The following MSH4 variants were observed in gnomAD, a reference collection of about 807,000 sequenced individuals.
MSH4 encodes the protein mutS homolog 4.
Under a neutral mutation model 113.7 loss-of-function variants are expected in MSH4, and 106 were observed. The ratio of observed to expected loss-of-function variants is 0.93; its 90% CI spans 0.80 to 1.10. The LOEUF is 1.10. Among genes scored for constraint, MSH4 ranks in the 50% least tolerant of loss-of-function variants. The pLI is 0.00. For synonymous variants in MSH4, 368 were observed against 380.2 expected (o/e 0.97, Z 0.37); for missense variants, 1,061 against 1,093.7 (o/e 0.97, Z 0.42).
chr1:75,847,264 G>A (rs549748192), intron 7 of MSH4, among the ~76,000 whole-genome samples: 8 of 152,264 alleles, frequency 5.3e-5, no homozygotes, highest in South Asian at 2.1e-4. Context: ...TATTCAAACC[G>A]TAGCACAAGT....
chr1:75,834,241 C>T (rs1650776692), intron 7 of MSH4, among the ~76,000 whole-genome samples: 5 of 152,166 alleles, frequency 3.3e-5, no homozygotes, highest in Admixed American at 3.3e-4. Context: ...TACCATCTCA[C>T]ATCAGTTAGA....
chr1:75,869,904 A>G (rs1487173726), intron 9 of MSH4, among the ~76,000 whole-genome samples: 1 of 152,206 alleles, frequency 6.6e-6, no homozygotes, highest in African/African-American at 2.4e-5. Flanking sequence ...GAAGAGGGCC[A>G]CTGTCCTCCA....
chr1:75,912,070 A>C (rs142986534), intron 19 of MSH4, among the ~76,000 whole-genome samples: 136 of 152,242 alleles, frequency 8.9e-4, no homozygotes, highest in African/African-American at 3.2e-3. Context: ...AGTTTATTAA[A>C]AATTAAGGCA....
Position 75,912,864 on chromosome 1 carries a change from G to T in MSH4, c.2788G>T (p.Val930Phe). Residue 930 changes from valine to phenylalanine, a missense_variant, in exon 20 of 20, where the codon GTT (valine) becomes TTT (phenylalanine). Physicochemically the swap from Val to Phe is conservative, Grantham distance 50. Transcript: ENST00000263187. ...YKEDFPRTEQ[V>F]PEKTEE The stretch of plus-strand genomic sequence containing the variant: ...AGAAGATTTTCCCAGGACTGAACAA[G>T]TTCCAGAAAAGACTGAAGAATAATC... 1 of 1,535,392 alleles carries T rather than the reference G, an allele frequency of 6.5e-7. No homozygotes were observed.
intron 8 of MSH4, among the ~76,000 whole-genome samples, chr1:75,861,136 A>G (rs887153675): frequency 1.3e-5 from 2 of 149,696 alleles, no homozygotes; most frequent in South Asian, 4.3e-4. Flanking sequence ...TCTTCTCTAC[A>G]TGGTTATTCT....
At chr1:75,816,234 A>C in intron 5 of MSH4, 139 bp from the exon 6 acceptor site, 1 of 465,168 alleles carries the variant, frequency 2.1e-6, no homozygotes, top group Non-Finnish European at 3.6e-6. Flanking sequence ...CCTAGTTTTC[A>C]AAAATATGAA....
chr1:75,898,064 C>T lies in MSH4; in HGVS notation c.2513C>T (p.Thr838Ile). ...LYTYKLSKGL[T>I]EEKNYGLKAA... ...ACCTACAAACTTTCTAAGGGACTCA[C>T]AGAAGAGAAAAATTATGGTACTGCA... The change falls in exon 18 of 20, where the codon ACA (threonine) becomes ATA (isoleucine). Residue 838 changes from threonine to isoleucine, a missense_variant. Transcript: ENST00000263187. The T allele has an allele frequency of 6.3e-7, 1 of 1,581,736 alleles. No individual in the cohort carries two copies.
intron 19 of MSH4, among the ~76,000 whole-genome samples, chr1:75,912,341 A>G (rs1319438052): frequency 6.6e-6 from 1 of 152,018 alleles, no homozygotes; most frequent in Non-Finnish European, 1.5e-5. Context: ...TTTTAATGGG[A>G]AAGTGTTTGT....
At chr1:75,811,992 TC>T (rs1450452590) in intron 4 of MSH4, among the ~76,000 whole-genome samples, 4 of 152,218 alleles carry the variant, frequency 2.6e-5, no homozygotes, top group Admixed American at 2.6e-4. Context: ...CTTTATCTGT[TC>T]TTTTTCATTT....
intron 7 of MSH4, among the ~76,000 whole-genome samples, chr1:75,826,049 C>T (rs182418175): frequency 1.9e-3 from 291 of 152,268 alleles, no homozygotes; most frequent in African/African-American, 6.7e-3. Context: ...GTACCAGCTC[C>T]TCCTTGTACC....
chr1:75,854,951 G>C (rs187582827), intron 8 of MSH4, among the ~76,000 whole-genome samples: 188 of 152,034 alleles, frequency 1.2e-3, no homozygotes, highest in African/African-American at 4.3e-3. Context: ...CTTATGAATA[G>C]CATATTTTAC....
At chr1:75,891,478 G>A (rs1361005375) in intron 17 of MSH4, among the ~76,000 whole-genome samples, 8 of 151,974 alleles carry the variant, frequency 5.3e-5, no homozygotes, top group Admixed American at 5.2e-4. Flanking sequence ...TTTTGAGACA[G>A]GGTCTCACTC....
chr1:75,823,659 A>G (rs1650480263), intron 7 of MSH4, among the ~76,000 whole-genome samples: 1 of 151,946 alleles, frequency 6.6e-6, no homozygotes, highest in Admixed American at 6.6e-5. Context: ...CCAGTGTGTG[A>G]TGTTCCCCTC....
chr1:75,874,464 A>C (rs572500142), intron 9 of MSH4, among the ~76,000 whole-genome samples: 1 of 152,160 alleles, frequency 6.6e-6, no homozygotes, highest in East Asian at 1.9e-4. Context: ...CTGGGAGTAC[A>C]GGCATATGTC....
chr1:75,888,956 G>C (rs572070944), intron 15 of MSH4, among the ~76,000 whole-genome samples: 1 of 149,248 alleles, frequency 6.7e-6, no homozygotes, highest in East Asian at 2.0e-4. Context: ...ATGCAGTGGC[G>C]CGATCTCGGC....
In MSH4 at chr1:75,867,600, G is replaced by T; in HGVS notation, c.1305+12G>T. The stretch of plus-strand genomic sequence containing the variant: ...TGGATCCTTTAAAGGTAATTTATGT[G>T]TGTGTATCGTACAAAACATGTCCAG... On this transcript the variant is annotated intron_variant, in intron 9 of 19. Transcript: ENST00000263187. The T allele has an allele frequency of 1.3e-6, 2 of 1,495,882 alleles. No homozygotes were observed. Among genetic ancestry groups the T allele is most frequent in the Non-Finnish European group, 9.2e-7 (1 of 1,092,842 alleles). 92.7% of individuals were successfully genotyped at this position (1,495,882 alleles called of 1,614,324 possible). A position where few individuals can be genotyped will look rare whatever the true frequency, so the allele number is the denominator to read the frequency against.
chr1:75,810,955 T>C, intron 4 of MSH4, 148 bp downstream of exon 4: 1 of 388,930 alleles, frequency 2.6e-6, no homozygotes, highest in Admixed American at 4.7e-5. Context: ...TACTGCAACC[T>C]CCAGCTCCCG....
intron 15 of MSH4, among the ~76,000 whole-genome samples, chr1:75,887,625 A>G (rs1372440857): frequency 6.6e-6 from 1 of 152,158 alleles, no homozygotes; most frequent in Non-Finnish European, 1.5e-5. Context: ...AGTAAGTCAA[A>G]GTATTGAGAA....
intron 7 of MSH4, among the ~76,000 whole-genome samples, chr1:75,847,234 C>T (rs886654123): frequency 6.6e-5 from 10 of 152,168 alleles, no homozygotes; most frequent in African/African-American, 2.4e-4. Flanking sequence ...AAGTTTCCAA[C>T]ACATGAACGT....
Sources: allele counts gnomAD v4.1 joint callset (sites outside exome capture counted in the v4.1 genomes callset), GRCh38; gene constraint gnomAD v4.1.1; transcripts MANE v1.5; gene names NCBI Gene and HGNC (gene_info 2026-07-23, HGNC 2026-07-21).